CDH12: variants seen among roughly 807,000 people sequenced by gnomAD.
CDH12 encodes cadherin 12, also known as cadherin-12.
A neutral mutation model predicts 74.1 loss-of-function variants in CDH12; 41 were observed. The observed-to-expected ratio is 0.55, with a 90% confidence interval of 0.43 to 0.72. The LOEUF is 0.72. Among genes scored for constraint, CDH12 ranks in the 30% least tolerant of loss-of-function variants. The pLI is 0.00. For missense variants in CDH12, 945 were observed against 977.2 expected, an observed-to-expected ratio of 0.97 and a Z score of 0.44; for synonymous variants, 399 against 355.0, an observed-to-expected ratio of 1.12 and a Z score of -1.39.
At chr5:22,719,305 G>A (rs1303462632) in intron 1 of CDH12, among the ~76,000 whole-genome samples, 2 of 152,148 alleles carry the variant, frequency 1.3e-5, no homozygotes, top group East Asian at 1.9e-4. Context: ...ATTGGTAGTT[G>A]TAAACAAATA....
intron 1 of CDH12, among the ~76,000 whole-genome samples, chr5:22,713,462 C>G (rs994007498): frequency 6.6e-6 from 1 of 151,964 alleles, no homozygotes; most frequent in African/African-American, 2.4e-5. Flanking sequence ...AATTCTTTAG[C>G]CTTCTTGTCT....
intron 1 of CDH12, among the ~76,000 whole-genome samples, chr5:22,692,668 CT>C (rs1185830984): frequency 6.6e-6 from 1 of 152,120 alleles, no homozygotes; most frequent in Non-Finnish European, 1.5e-5. Flanking sequence ...TGACAGTGTT[CT>C]TTTGATGAAG....
intron 5 of CDH12, among the ~76,000 whole-genome samples, chr5:22,057,814 T>C (rs1327536740): frequency 6.6e-6 from 1 of 152,176 alleles, no homozygotes; most frequent in Admixed American, 6.5e-5. Flanking sequence ...TCTATTTGCT[T>C]ACAGGCAGTG....
intron 3 of CDH12, among the ~76,000 whole-genome samples, chr5:22,225,699 G>A (rs1008595604): frequency 6.6e-6 from 1 of 152,024 alleles, no homozygotes. Flanking sequence ...GGGAAGGCTT[G>A]AATTTAGGGT....
chr5:22,343,329 G>C (rs879833858), intron 3 of CDH12, among the ~76,000 whole-genome samples: 12,352 of 109,924 alleles, frequency 0.11, 683 homozygotes, highest in African/African-American at 0.22. Context: ...CACACAGAGA[G>C]AGAGAGAGAG....
chr5:22,471,170 C>T (rs1279674280), intron 2 of CDH12, among the ~76,000 whole-genome samples: 1 of 152,116 alleles, frequency 6.6e-6, no homozygotes, highest in Admixed American at 6.5e-5. Flanking sequence ...AAAAATTGCA[C>T]CTGTTCTTTC....
intron 3 of CDH12, among the ~76,000 whole-genome samples, chr5:22,233,215 T>C (rs1752447771): frequency 6.6e-6 from 1 of 151,964 alleles, no homozygotes; most frequent in Non-Finnish European, 1.5e-5. Flanking sequence ...ATTGCGTTGA[T>C]CTATAGATCA....
At chr5:22,309,797 CTTGA>C (rs1738299061) in intron 3 of CDH12, among the ~76,000 whole-genome samples, 1 of 151,806 alleles carries the variant, frequency 6.6e-6, no homozygotes, top group Non-Finnish European at 1.5e-5. Flanking sequence ...CAAAAAGTAC[CTTGA>C]TTGATAGTTT....
At chr5:22,141,339 C>T (rs531266566) in intron 4 of CDH12, 1 of 152,212 alleles carries the variant, frequency 6.6e-6, no homozygotes, top group East Asian at 1.9e-4. Context: ...GTAGTTGGAG[C>T]AAGTTAGTCT....
chr5:22,120,976 A>G (rs1212954059), intron 4 of CDH12, among the ~76,000 whole-genome samples: 2 of 152,230 alleles, frequency 1.3e-5, no homozygotes, highest in Non-Finnish European at 2.9e-5. Flanking sequence ...GTATTAAGCA[A>G]GTAAATATTT....
chr5:22,449,152 G>A (rs180862123), intron 2 of CDH12, among the ~76,000 whole-genome samples: 6 of 151,970 alleles, frequency 3.9e-5, no homozygotes, highest in Admixed American at 1.3e-4. Flanking sequence ...CTGGTACTGC[G>A]TATTTTGTAC....
intron 5 of CDH12, among the ~76,000 whole-genome samples, chr5:22,073,933 T>A (rs1393814150): frequency 6.6e-6 from 1 of 152,154 alleles, no homozygotes; most frequent in African/African-American, 2.4e-5. Flanking sequence ...CCACATACGC[T>A]CTTTCTACCA....
intron 5 of CDH12, among the ~76,000 whole-genome samples, chr5:22,009,446 C>A (rs1737159234): frequency 6.6e-6 from 1 of 152,050 alleles, no homozygotes; most frequent in Admixed American, 6.6e-5. Context: ...TCCCATTGAT[C>A]CTTCACAGAA....
At chr5:21,841,340 T>C (rs1399005254) in intron 8 of CDH12, among the ~76,000 whole-genome samples, 33 of 151,910 alleles carry the variant, frequency 2.2e-4, no homozygotes, top group Non-Finnish European at 4.9e-4. Flanking sequence ...ATGGCAATCA[T>C]TAAAAAGTCA....
intron 1 of CDH12, among the ~76,000 whole-genome samples, chr5:22,847,753 C>T (rs1490296606): frequency 6.6e-6 from 1 of 152,128 alleles, no homozygotes; most frequent in African/African-American, 2.4e-5. Context: ...AAATTAATGA[C>T]ATTTTCTAAT....
At chr5:21,985,348 T>C (rs1264543472) in intron 5 of CDH12, among the ~76,000 whole-genome samples, 1 of 152,080 alleles carries the variant, frequency 6.6e-6, no homozygotes, top group African/African-American at 2.4e-5. Context: ...TCCTACTTAA[T>C]ACGGACATCT....
intron 4 of CDH12, among the ~76,000 whole-genome samples, chr5:22,150,491 T>A (rs994223688): frequency 1.3e-5 from 2 of 149,828 alleles, no homozygotes; most frequent in African/African-American, 4.9e-5. Context: ...AGAACACTTA[T>A]GTATATGTAG....
intron 2 of CDH12, among the ~76,000 whole-genome samples, chr5:22,435,947 G>C (rs1425176090): frequency 6.6e-6 from 1 of 151,642 alleles, no homozygotes; most frequent in African/African-American, 2.4e-5. Flanking sequence ...CCATCATGGT[G>C]TCTTTAAAAA....
intron 5 of CDH12, among the ~76,000 whole-genome samples, chr5:22,063,573 AGACT>A (rs1741344375): frequency 6.6e-6 from 1 of 151,972 alleles, no homozygotes; most frequent in Non-Finnish European, 1.5e-5. Flanking sequence ...TTCTTTTAAC[AGACT>A]AACTGATTAC....
Sources: gnomAD v4.1 joint callset for allele counts (sites outside exome capture counted in the v4.1 genomes callset) on GRCh38, gnomAD v4.1.1 for gene constraint, MANE v1.5 for transcripts, NCBI Gene and HGNC (gene_info 2026-07-23, HGNC 2026-07-21) for gene names.